Variants in PIK3AP1 observed in about 807,000 individuals in gnomAD.
PIK3AP1 encodes phosphoinositide 3-kinase adapter protein 1.
PIK3AP1 carries 21 observed loss-of-function variants against 88.1 expected under a neutral mutation model. That is an observed-to-expected ratio of 0.24 (90% CI 0.17 to 0.34). The LOEUF (loss-of-function observed/expected upper bound fraction) is 0.34. Among genes scored for constraint, PIK3AP1 ranks in the 10% least tolerant of loss-of-function variants. PIK3AP1 has a pLI of 1.00. For synonymous variants in PIK3AP1, 398 were observed against 400.0 expected (o/e 1.00, Z 0.06); for missense variants, 828 against 1,035.7 (o/e 0.80, Z 2.75).
chr10:96,630,791 A>G (rs1843234597), intron 8 of PIK3AP1, among the ~76,000 whole-genome samples: 1 of 152,064 alleles, frequency 6.6e-6, no homozygotes, highest in South Asian at 2.1e-4. Flanking sequence ...GCAGTGAGTT[A>G]GGATCACGCC....
chr10:96,667,707 AT>A (rs1299717239), intron 2 of PIK3AP1, among the ~76,000 whole-genome samples: 6 of 152,334 alleles, frequency 3.9e-5, no homozygotes, highest in African/African-American at 1.4e-4. Flanking sequence ...AAAAAAAAAA[AT>A]AAAAGTGTAC....
intron 8 of PIK3AP1, chr10:96,633,242 T>C: frequency 1.6e-6 from 1 of 610,836 alleles, no homozygotes; most frequent in Non-Finnish European, 2.5e-6. Flanking sequence ...GGAGCCATTT[T>C]TATTGTAGGC....
intron 2 of PIK3AP1, among the ~76,000 whole-genome samples, chr10:96,663,259 T>C (rs1212723609): frequency 1.3e-5 from 2 of 151,972 alleles, no homozygotes; most frequent in African/African-American, 4.8e-5. Context: ...CACAAATCTG[T>C]GAATATACGA....
In PIK3AP1 at chr10:96,645,523, T is replaced by G. The variant is rs1416029799; in HGVS notation, c.1325A>C (p.Asp442Ala). The part of the protein sequence containing the change: ...KCSLNPGCDE[D>A]LYESMAAFVP... ...AAAGGCAGCCATGGACTCATAGAGA[T>G]CCTCGTCACAGCCGGGGTTGAGCGA... is the stretch of plus-strand genomic sequence containing the variant. Residue 442 changes from aspartate to alanine, a missense_variant, in exon 8 of 17, where the codon GAT becomes GCT. By Grantham distance (126) the Asp-to-Ala change is moderately radical. Transcript: ENST00000339364. 5 of 1,613,962 alleles carry G rather than the reference T, an allele frequency of 3.1e-6. No individual in the cohort carries two copies. The Admixed American group carries it at 8.3e-5, about 27-fold the overall frequency.
intron 9 of PIK3AP1, among the ~76,000 whole-genome samples, chr10:96,628,162 T>C (rs774611689): frequency 5.3e-4 from 81 of 152,186 alleles, no homozygotes; most frequent in Non-Finnish European, 7.6e-4. Context: ...TAGAGGCAAC[T>C]TGTTTACCCA....
intron 2 of PIK3AP1, among the ~76,000 whole-genome samples, chr10:96,699,089 C>T (rs1029253018): frequency 2.6e-5 from 4 of 152,076 alleles, no homozygotes; most frequent in Non-Finnish European, 5.9e-5. Context: ...GAGGCTGAGA[C>T]AGGAGAATCG....
rs746195367 is a variant in PIK3AP1, at chr10:96,628,390, T to A, written c.1471+8A>T. The stretch of plus-strand genomic sequence containing the variant: ...CTTTTGGCTTCCCTGCTCATGGCTA[T>A]GACTTACCTTCTAAAAACTTGCGGA... On this transcript the variant is annotated splice_region_variant and intron_variant, in intron 9 of 16. Transcript: ENST00000339364. The A allele has an allele frequency of 1.3e-5, 21 of 1,586,826 alleles. No individual in the cohort carries two copies. Among genetic ancestry groups the A allele is most frequent in the Non-Finnish European group, 1.7e-5 (20 of 1,155,118 alleles).
At chr10:96,609,210 G>A (rs914145410) in intron 14 of PIK3AP1, among the ~76,000 whole-genome samples, 13 of 151,972 alleles carry the variant, frequency 8.6e-5, no homozygotes, top group Admixed American at 8.5e-4. Flanking sequence ...CTGACTCTGT[G>A]CCCTTTCCTT....
At chr10:96,680,380 T>G (rs979113392) in intron 2 of PIK3AP1, among the ~76,000 whole-genome samples, 3 of 152,148 alleles carry the variant, frequency 2.0e-5, no homozygotes, top group Admixed American at 2.0e-4. Flanking sequence ...TCATGAGGGT[T>G]TGTTGTACAG....
intron 12 of PIK3AP1, chr10:96,618,660 T>C (rs928700803): frequency 3.3e-5 from 5 of 152,144 alleles, no homozygotes; most frequent in Non-Finnish European, 5.9e-5. Flanking sequence ...CCAGTTATGC[T>C]GCTTACAGTA....
At chr10:96,709,474 G>A in intron 2 of PIK3AP1, 93 bp downstream of exon 2, 2 of 1,422,284 alleles carry the variant, frequency 1.4e-6, no homozygotes, top group Non-Finnish European at 1.9e-6. Context: ...TTAACATAGT[G>A]AGATCCCCGC....
At position 96,708,611 on chromosome 10, in the gene PIK3AP1, A is replaced by G. The variant is rs112425830; in HGVS notation, c.430+956T>C. Among the ~76,000 whole-genome samples the G allele has an allele frequency of 1.0e-2, 1,502 of 150,818 alleles. 28 individuals carry two copies. The highest frequency in any genetic ancestry group is 0.033 in the African/African-American group (1,371 of 41,042). On this transcript the variant is annotated intron_variant, in intron 2 of 16. Transcript: ENST00000339364. The stretch of plus-strand genomic sequence containing the variant: ...AAAAAAAAAAAAAAAAGCAAAAAGA[A>G]AGCAAAAAGAGGAAGAAAAGCTGTG...
chr10:96,677,578 TACACACACACACACACACAC>T (rs35018772), intron 2 of PIK3AP1, among the ~76,000 whole-genome samples: 8 of 121,186 alleles, frequency 6.6e-5, no homozygotes, highest in Middle Eastern at 4.3e-3. Flanking sequence ...ACTAAGCACA[TACACACACACACACACACAC>T]ACACACACAC....
At chr10:96,668,899 A>G (rs1843802476) in intron 2 of PIK3AP1, among the ~76,000 whole-genome samples, 1 of 152,056 alleles carries the variant, frequency 6.6e-6, no homozygotes, top group African/African-American at 2.4e-5. Flanking sequence ...GGAGACCAAG[A>G]CAGGCAGATC....
chr10:96,702,673 T>C (rs1365135516), intron 2 of PIK3AP1, among the ~76,000 whole-genome samples: 2 of 151,966 alleles, frequency 1.3e-5, no homozygotes, highest in African/African-American at 2.4e-5. Context: ...TGCTGATGTA[T>C]GTGTTAATTA....
chr10:96,621,952 G>A lies in PIK3AP1; in HGVS notation c.1736-1395C>T, dbSNP rs72818911. ...TTGCCAAATGTTCTTTAGGGAGGGGGTACAAAATCACTTCCAATTGAGAAC... is the reference window on the plus strand; with the variant it reads ...TTGCCAAATGTTCTTTAGGGAGGGGATACAAAATCACTTCCAATTGAGAAC... On this transcript the variant is annotated intron_variant, in intron 11 of 16. Coordinates refer to ENST00000339364, the MANE Select transcript of PIK3AP1 (RefSeq NM_152309.3). Among the ~76,000 whole-genome samples the A allele has an allele frequency of 5.6e-3, 856 of 152,242 alleles. 9 individuals are homozygous for A. The highest frequency in any genetic ancestry group is 0.02 in the African/African-American group (823 of 41,534).
chr10:96,706,201 C>A (rs777947904), intron 2 of PIK3AP1, among the ~76,000 whole-genome samples: 6 of 152,096 alleles, frequency 3.9e-5, no homozygotes, highest in African/African-American at 9.7e-5. Context: ...CCATGCCCAG[C>A]CAATTTCTTA....
rs535620831 is a variant in PIK3AP1 at position 96,617,866 on chromosome 10, A to G, written c.1942-1155T>C. Among the ~76,000 whole-genome samples the G allele has an allele frequency of 7.2e-5, 11 of 152,290 alleles. No homozygotes were observed. In the South Asian group the frequency reaches 2.3e-3, roughly 32 times the overall value. On this transcript the variant is annotated intron_variant, in intron 12 of 16. Coordinates refer to ENST00000339364, the MANE Select transcript of PIK3AP1 (RefSeq NM_152309.3). ...GTTAGACATGCTGTGAGCCTGGGGC[A>G]CTCAGGGGGACAAAGCCAACTGGGG... is the stretch of plus-strand genomic sequence containing the variant.
chr10:96,612,950 G>GTGTATA (rs1481031378), intron 13 of PIK3AP1, among the ~76,000 whole-genome samples: 21 of 59,688 alleles, frequency 3.5e-4, no homozygotes, highest in African/African-American at 1.6e-3. Flanking sequence ...GTGTGTGTGT[G>GTGTATA]TATATATATA....
Sources: allele counts gnomAD v4.1 joint callset (sites outside exome capture counted in the v4.1 genomes callset), GRCh38; gene constraint gnomAD v4.1.1; transcripts MANE v1.5; gene names NCBI Gene and HGNC (gene_info 2026-07-23, HGNC 2026-07-21).